ITPR2: variants seen among roughly 807,000 people sequenced by gnomAD.
The protein encoded by ITPR2 is inositol 1,4,5-trisphosphate-gated calcium channel ITPR2.
A neutral mutation model predicts 317.1 loss-of-function variants in ITPR2; 207 were observed. That is an observed-to-expected ratio of 0.65 (90% CI 0.58 to 0.73). The LOEUF (loss-of-function observed/expected upper bound fraction) is 0.73. ITPR2 is among the 30% of genes least tolerant of loss of function. ITPR2 has a pLI of 0.00. For synonymous variants in ITPR2, 1,156 were observed against 1,149.1 expected, an observed-to-expected ratio of 1.01 and a Z score of -0.12; for missense variants, 2,613 against 3,284.0, an observed-to-expected ratio of 0.80 and a Z score of 4.99.
chr12:26,567,100 T>A lies in ITPR2; in HGVS notation c.4631-5148A>T, dbSNP rs189391905. On this transcript the variant is annotated intron_variant, in intron 34 of 56. Transcript: ENST00000381340. ...ACATTTAAACAAATTGGGGAGGAGA[T>A]TGGGATTTATCTGCCCTTTAGGAAT... 1.6e-3 allele frequency among the ~76,000 whole-genome samples: 251 copies of A among 152,258 alleles called. 1 individual carries two copies. Among genetic ancestry groups the A allele is most frequent in the African/African-American group, 5.0e-3 (207 of 41,554 alleles).
chr12:26,478,747 A>G (rs1489064119), intron 43 of ITPR2, among the ~76,000 whole-genome samples: 8 of 152,124 alleles, frequency 5.3e-5, no homozygotes, highest in Non-Finnish European at 5.9e-5. Context: ...ATTCTTTGAA[A>G]AAACAAAACA....
chr12:26,694,451 C>T (rs533366439), intron 10 of ITPR2, among the ~76,000 whole-genome samples: 7 of 152,236 alleles, frequency 4.6e-5, no homozygotes, highest in African/African-American at 1.7e-4. Context: ...CCCAAATCAC[C>T]TTACACAAAC....
intron 13 of ITPR2, among the ~76,000 whole-genome samples, chr12:26,666,947 G>A (rs765783491): frequency 1.1e-4 from 17 of 152,146 alleles, no homozygotes; most frequent in Non-Finnish European, 1.9e-4. Flanking sequence ...TGAGGAATCT[G>A]TATTGGAAGG....
At chr12:26,562,783 G>A (rs987970512) in intron 34 of ITPR2, among the ~76,000 whole-genome samples, 5 of 152,048 alleles carry the variant, frequency 3.3e-5, no homozygotes, top group South Asian at 2.1e-4. Flanking sequence ...GGGGAAGGGG[G>A]GGAGGGATAG....
At chr12:26,649,713 A>C (rs1401244258) in intron 21 of ITPR2, among the ~76,000 whole-genome samples, 1 of 152,110 alleles carries the variant, frequency 6.6e-6, no homozygotes, top group Non-Finnish European at 1.5e-5. Flanking sequence ...ATCAGTCTCC[A>C]TATCATTGAC....
intron 13 of ITPR2, among the ~76,000 whole-genome samples, chr12:26,669,334 A>G (rs1034406359): frequency 2.0e-5 from 3 of 152,242 alleles, no homozygotes; most frequent in African/African-American, 7.2e-5. Context: ...TATATCTCAT[A>G]AAAGTTCCAA....
intron 9 of ITPR2, among the ~76,000 whole-genome samples, chr12:26,699,609 C>G (rs552177598): frequency 6.6e-6 from 1 of 152,026 alleles, no homozygotes; most frequent in South Asian, 2.1e-4. Context: ...AGAGAGATTA[C>G]CTCAGTAAAC....
chr12:26,810,947 T>C (rs970472827), intron 1 of ITPR2, among the ~76,000 whole-genome samples: 37 of 149,902 alleles, frequency 2.5e-4, no homozygotes, highest in African/African-American at 8.9e-4. Flanking sequence ...ATTACAGGCA[T>C]GAGCCACCAC....
intron 26 of ITPR2, among the ~76,000 whole-genome samples, chr12:26,616,456 C>G (rs571302690): frequency 9.6e-4 from 146 of 152,276 alleles, no homozygotes; most frequent in African/African-American, 3.2e-3. Flanking sequence ...AATTTAAAAA[C>G]TCACTTCCAA....
At chr12:26,599,059 G>A in intron 30 of ITPR2, 86 bp downstream of exon 30, 4 of 1,194,442 alleles carry the variant, frequency 3.3e-6, no homozygotes, top group Non-Finnish European at 4.9e-6. Context: ...AACCTATGTT[G>A]TTGGGGGCTT....
chr12:26,507,093 G>T (rs1451370531), intron 37 of ITPR2, among the ~76,000 whole-genome samples: 2 of 151,958 alleles, frequency 1.3e-5, no homozygotes, highest in African/African-American at 4.8e-5. Context: ...CACATATTTG[G>T]CCTACTTTAA....
chr12:26,489,363 G>A (rs1942746971), intron 39 of ITPR2, among the ~76,000 whole-genome samples: 1 of 152,172 alleles, frequency 6.6e-6, no homozygotes, highest in Non-Finnish European at 1.5e-5. Context: ...ATGATGCAGG[G>A]AGAATCCTCA....
intron 55 of ITPR2, among the ~76,000 whole-genome samples, chr12:26,355,933 A>C (rs1938624944): frequency 6.6e-6 from 1 of 152,224 alleles, no homozygotes; most frequent in Non-Finnish European, 1.5e-5. Context: ...CATTCAGACT[A>C]AACTTTCCCA....
chr12:26,683,680 G>T (rs955831297), intron 11 of ITPR2, among the ~76,000 whole-genome samples: 3 of 152,090 alleles, frequency 2.0e-5, no homozygotes, highest in African/African-American at 7.2e-5. Flanking sequence ...ATTTCCCCTA[G>T]GAACAATGGT....
chr12:26,738,938 G>C lies in ITPR2; in HGVS notation c.164-13173C>G, dbSNP rs577586674. Among the ~76,000 whole-genome samples, 8 of 152,260 alleles carry C rather than the reference G, an allele frequency of 5.3e-5. No homozygotes were observed. In the South Asian group the frequency reaches 1.7e-3, roughly 32 times the overall value. On this transcript the variant is annotated intron_variant, in intron 2 of 56. Transcript: ENST00000381340. ...CAAAAGCAAGCACATTTCTAACAGA[G>C]GACTTGGATCCAGAATACAGAAAGT...
intron 32 of ITPR2, among the ~76,000 whole-genome samples, chr12:26,589,851 TATACACACACAC>T (rs1267706326): frequency 1.6e-3 from 80 of 49,302 alleles, no homozygotes; most frequent in African/African-American, 5.1e-3. Flanking sequence ...TATATATATA[TATACACACACAC>T]ACACACACAC....
chr12:26,487,589 T>C (rs1343354941), intron 39 of ITPR2, among the ~76,000 whole-genome samples: 1 of 152,176 alleles, frequency 6.6e-6, no homozygotes, highest in African/African-American at 2.4e-5. Context: ...AAGTCATGCA[T>C]TGATTCAACA....
At chr12:26,612,064 C>T (rs1946280746) in intron 26 of ITPR2, among the ~76,000 whole-genome samples, 1 of 152,098 alleles carries the variant, frequency 6.6e-6, no homozygotes, top group African/African-American at 2.4e-5. Flanking sequence ...AAATCCATCC[C>T]CTTCTCCTTA....
rs1392744583 is a variant in ITPR2, at chr12:26,783,524, TATATCA to T, written c.163+6627_163+6632del. On this transcript the variant is annotated intron_variant, in intron 2 of 56. Transcript: ENST00000381340. ...GACTTCTCCTAATAGAAATGGCACA[TATATCA>T]ATATGCAGACTTTTAGAAAAATGAT... 5.9e-5 allele frequency among the ~76,000 whole-genome samples: 9 copies of T among 152,334 alleles called. No individual in the cohort carries two copies. The East Asian group carries it at 1.7e-3, about 29-fold the overall frequency.
Sources: allele counts gnomAD v4.1 joint callset (sites outside exome capture counted in the v4.1 genomes callset), GRCh38; gene constraint gnomAD v4.1.1; transcripts MANE v1.5; gene names NCBI Gene and HGNC (gene_info 2026-07-23, HGNC 2026-07-21).